The following PACRG variants were observed in gnomAD, a reference collection of about 807,000 sequenced individuals.
PACRG encodes parkin coregulated gene protein.
A neutral mutation model predicts 29.7 loss-of-function variants in PACRG; 29 were observed. The observed-to-expected ratio is 0.98, with a 90% CI of 0.73 to 1.33. The LOEUF (loss-of-function observed/expected upper bound fraction) is 1.33. Among genes scored for constraint, PACRG ranks in the 40% most tolerant of loss-of-function variants. The probability of loss-of-function intolerance (pLI) is 0.00; values close to 1 mark genes in which losing one functional copy is unlikely to be tolerated. For synonymous variants in PACRG, 116 were observed against 118.7 expected, an observed-to-expected ratio of 0.98 and a Z score of 0.15; for missense variants, 279 against 316.2, an observed-to-expected ratio of 0.88 and a Z score of 0.89.
intron 4 of PACRG, among the ~76,000 whole-genome samples, chr6:163,259,730 C>T (rs1225798410): frequency 6.6e-6 from 1 of 152,168 alleles, no homozygotes; most frequent in East Asian, 1.9e-4. Flanking sequence ...GTACGCCTTC[C>T]CAGCTGTTCC....
chr6:162,842,742 T>G (rs1300063515), intron 2 of PACRG, among the ~76,000 whole-genome samples: 1 of 131,124 alleles, frequency 7.6e-6, no homozygotes, highest in East Asian at 2.2e-4. Context: ...TACCAGTTGT[T>G]CCTTTCCATG....
rs114784058 is a variant in PACRG at position 162,855,405 on chromosome 6, T to A, written c.291+41124T>A. ...CTTATAGACACTCTTCTTTTTTGCGTATCAGAGATGTAAGTATTGTAAATG... is the reference window on the plus strand; with the variant it reads ...CTTATAGACACTCTTCTTTTTTGCGAATCAGAGATGTAAGTATTGTAAATG... On this transcript the variant is annotated intron_variant, in intron 2 of 4. Coordinates refer to ENST00000366888, the MANE Select transcript of PACRG (RefSeq NM_001080379.2). 2.6e-3 allele frequency among the ~76,000 whole-genome samples: 399 copies of A among 152,328 alleles called. 4 individuals are homozygous for A. The highest frequency in any genetic ancestry group is 9.2e-3 in the African/African-American group (384 of 41,568).
At chr6:163,296,288 A>G (rs1164061204) in intron 4 of PACRG, among the ~76,000 whole-genome samples, 1 of 151,882 alleles carries the variant, frequency 6.6e-6, no homozygotes, top group Non-Finnish European at 1.5e-5. Flanking sequence ...AATTTTCTTC[A>G]CCTTCAGGCA....
chr6:162,972,326 G>A (rs191082148), intron 2 of PACRG, among the ~76,000 whole-genome samples: 3 of 152,226 alleles, frequency 2.0e-5, no homozygotes, highest in African/African-American at 7.2e-5. Flanking sequence ...CATCTGACTC[G>A]CACATGTAGC....
chr6:163,305,025 C>T (rs926025450), intron 4 of PACRG, among the ~76,000 whole-genome samples: 7 of 152,216 alleles, frequency 4.6e-5, no homozygotes, highest in African/African-American at 1.2e-4. Flanking sequence ...CTGGCCCCAC[C>T]GTGTCCCACA....
intron 4 of PACRG, among the ~76,000 whole-genome samples, chr6:163,204,000 G>A (rs756712118): frequency 8.5e-5 from 13 of 152,120 alleles, no homozygotes; most frequent in Non-Finnish European, 1.5e-4. Flanking sequence ...GCAAATAGTC[G>A]GAACTAATTG....
At chr6:163,224,180 C>G (rs1781693944) in intron 4 of PACRG, among the ~76,000 whole-genome samples, 1 of 151,608 alleles carries the variant, frequency 6.6e-6, no homozygotes, top group Non-Finnish European at 1.5e-5. Context: ...ACCAGCCTGG[C>G]CAATATGGCA....
At chr6:162,730,699 G>A (rs1353902875) in intron 1 of PACRG, among the ~76,000 whole-genome samples, 2 of 152,040 alleles carry the variant, frequency 1.3e-5, no homozygotes, top group Admixed American at 1.3e-4. Context: ...AAATCTCAAT[G>A]TCAAATATTT....
chr6:162,727,718 A>T, upstream of PACRG: 1 of 1,547,736 alleles, frequency 6.5e-7, no homozygotes, highest in Middle Eastern at 1.7e-4. Context: ...CCATGCGCGC[A>T]GCGGCGCCAG....
chr6:162,886,082 G>A (rs1486456188), intron 2 of PACRG, among the ~76,000 whole-genome samples: 1 of 151,994 alleles, frequency 6.6e-6, no homozygotes, highest in Non-Finnish European at 1.5e-5. Context: ...GGATTATCAT[G>A]CCCAACTAAT....
At chr6:162,803,554 C>G (rs1388706456) in intron 1 of PACRG, among the ~76,000 whole-genome samples, 1 of 152,096 alleles carries the variant, frequency 6.6e-6, no homozygotes, top group Non-Finnish European at 1.5e-5. Context: ...GACTTTCTTA[C>G]ACAAAATTTA....
intron 1 of PACRG, among the ~76,000 whole-genome samples, chr6:162,802,981 A>G (rs971051223): frequency 1.3e-5 from 2 of 151,992 alleles, no homozygotes; most frequent in African/African-American, 2.4e-5. Context: ...GCCCGTTTCC[A>G]TAGATTGAAC....
intron 2 of PACRG, among the ~76,000 whole-genome samples, chr6:162,874,196 G>T (rs1305262209): frequency 6.7e-6 from 1 of 149,418 alleles, no homozygotes. Flanking sequence ...GAAGGCTAGG[G>T]TATCAAATAG....
intron 2 of PACRG, among the ~76,000 whole-genome samples, chr6:162,818,370 TTC>T (rs766820213): frequency 1.7e-3 from 260 of 152,264 alleles, no homozygotes; most frequent in Non-Finnish European, 2.5e-3. Context: ...AATCGCACAC[TTC>T]TAATGATGGT....
At chr6:162,736,407 ATTGTTCTC>A in intron 1 of PACRG, among the ~76,000 whole-genome samples, 1 of 151,628 alleles carries the variant, frequency 6.6e-6, no homozygotes, top group African/African-American at 2.4e-5. Context: ...TATTTTAGTT[ATTGTTCTC>A]AGTTCATTTC....
At chr6:163,204,922 A>C (rs1013151310) in intron 4 of PACRG, among the ~76,000 whole-genome samples, 1 of 152,206 alleles carries the variant, frequency 6.6e-6, no homozygotes, top group Non-Finnish European at 1.5e-5. Flanking sequence ...CTGTACACCA[A>C]CAACAGCCAA....
At chr6:163,256,120 T>C (rs1783096901) in intron 4 of PACRG, among the ~76,000 whole-genome samples, 1 of 152,244 alleles carries the variant, frequency 6.6e-6, no homozygotes, top group Non-Finnish European at 1.5e-5. Context: ...CATATTTGAC[T>C]TTAATTTTCT....
chr6:163,089,087 T>TAAAACATTAGGGTTGC (rs1813858490), intron 3 of PACRG, among the ~76,000 whole-genome samples, 172 bp from the exon 4 acceptor site: 1 of 152,196 alleles, frequency 6.6e-6, no homozygotes, highest in Non-Finnish European at 1.5e-5. Flanking sequence ...AGATTCCATT[T>TAAAACATTAGGGTTGC]AAAACATTAG....
At chr6:163,274,193 C>T (rs373903514) in intron 4 of PACRG, among the ~76,000 whole-genome samples, 3 of 152,278 alleles carry the variant, frequency 2.0e-5, no homozygotes, top group South Asian at 2.1e-4. Flanking sequence ...CCTCCACCCC[C>T]CAACAGGCCC....
Sources: gnomAD v4.1 joint callset for allele counts (sites outside exome capture counted in the v4.1 genomes callset) on GRCh38, gnomAD v4.1.1 for gene constraint, MANE v1.5 for transcripts, NCBI Gene and HGNC (gene_info 2026-07-23, HGNC 2026-07-21) for gene names.